Variants in NOTCH1 observed in about 807,000 individuals in gnomAD.
NOTCH1 encodes the protein neurogenic locus notch homolog protein 1.
NOTCH1 carries 37 observed loss-of-function variants against 254.8 expected under a neutral mutation model. That is an observed-to-expected ratio of 0.15 (90% CI 0.11 to 0.19). NOTCH1 has a LOEUF of 0.19. NOTCH1 is among the 10% of genes least tolerant of loss of function. The pLI, the probability that NOTCH1 is intolerant of heterozygous loss-of-function variation, is 1.00. For synonymous variants in NOTCH1, 1,731 were observed against 1,618.1 expected (o/e 1.07, Z -1.68); for missense variants, 2,972 against 3,708.6 (o/e 0.80, Z 5.16).
In NOTCH1 at chr9:136,519,437, A is replaced by G; in HGVS notation, c.865+6T>C. On this transcript the variant is annotated splice_donor_region_variant and intron_variant, in intron 5 of 33. Coordinates refer to ENST00000651671, the MANE Select transcript of NOTCH1 (RefSeq NM_017617.5). ...TACCCCGCCCTGCGGCGACCCGTATACGCGCCTGTCCACTCTGGCGGGCAG... is the reference window on the plus strand; with the variant it reads ...TACCCCGCCCTGCGGCGACCCGTATGCGCGCCTGTCCACTCTGGCGGGCAG... 6.2e-7 allele frequency: 1 copy of G among 1,612,766 alleles called. No individual in the cohort carries two copies. The highest frequency in any genetic ancestry group is 8.5e-7 in the Non-Finnish European group (1 of 1,179,926).
At chr9:136,498,835 TGGCCCTCACTTCTCTGTGGATTC>T in intron 33 of NOTCH1, 41 bp downstream of exon 33, 1 of 1,578,882 alleles carries the variant, frequency 6.3e-7, no homozygotes, top group Non-Finnish European at 8.7e-7. Flanking sequence ...CCCGTGGGTT[TGGCCCTCACTTCTCTGTGGATTC>T]AGCCCTCACG....
Position 136,513,060 on chromosome 9 carries a change from CGTCGTCAAT to C in NOTCH1, c.2419_2427del (p.Ile807_Asp809del). ...AGGCAGTTGCACTTGTACCCGGCAA[CGTCGTCAAT>C]ACACGTGCCCTGGTTCAGACATGGG... On this transcript the variant is annotated inframe_deletion, in exon 15 of 34. Coordinates refer to ENST00000651671, the MANE Select transcript of NOTCH1 (RefSeq NM_017617.5). This position sits in a 1 kb window ranked among gnomAD's most constrained non-coding sequence, Gnocchi z 4.7. The C allele has an allele frequency of 6.2e-7, 1 of 1,600,006 alleles. No homozygotes were observed. Among genetic ancestry groups the C allele is most frequent in the South Asian group, 1.1e-5 (1 of 90,904 alleles).
Position 136,509,751 on chromosome 9 carries a change from G to A in NOTCH1, c.2951C>T (p.Thr984Met), listed in dbSNP as rs769132985. Reference sequence around the variant, plus strand: ...CGCACACCTCTCTGTGCAGTCAGGCGTGTTGTTCTCACAGTGGATCCCGCT... The same window carrying A: ...CGCACACCTCTCTGTGCAGTCAGGCATGTTGTTCTCACAGTGGATCCCGCT... The part of the protein sequence containing the change: ...GFSGIHCENN[T>M]PDCTESSCFN... The change falls in exon 18 of 34, where the codon ACG becomes ATG. Residue 984 changes from threonine (T) to methionine (M), a missense_variant. Around this residue, in one of 8 missense-constraint regions of NOTCH1, gnomAD observed 1,343 missense variants for 1,557.0 expected, o/e 0.86. Coordinates refer to ENST00000651671, the MANE Select transcript of NOTCH1 (RefSeq NM_017617.5). 36 of 1,612,958 alleles carry A rather than the reference G, an allele frequency of 2.2e-5. No homozygotes were observed. The highest frequency in any genetic ancestry group is 3.3e-5 in the Admixed American group (2 of 60,032).
At chr9:136,502,571 T>A in intron 27 of NOTCH1, 83 bp from the exon 28 acceptor site, 1 of 852,374 alleles carries the variant, frequency 1.2e-6, no homozygotes, top group Non-Finnish European at 1.7e-6. Flanking sequence ...GGCGGCGGAC[T>A]GGCTCCGCGT....
At chr9:136,507,216 G>A in intron 22 of NOTCH1, 89 bp downstream of exon 22, 2 of 1,598,080 alleles carry the variant, frequency 1.3e-6, no homozygotes, top group Non-Finnish European at 1.7e-6. Context: ...GCTGGTTCCT[G>A]GATGCCTCTG....
chr9:136,538,328 C>T (rs1589081414), intron 2 of NOTCH1, among the ~76,000 whole-genome samples: 1 of 152,110 alleles, frequency 6.6e-6, no homozygotes, highest in South Asian at 2.1e-4. Flanking sequence ...GCGCAGGCCT[C>T]GCCGCAGGGC....
At chr9:136,525,807 G>A (rs1589073997) in intron 2 of NOTCH1, among the ~76,000 whole-genome samples, 2 of 152,312 alleles carry the variant, frequency 1.3e-5, no homozygotes, top group Admixed American at 1.3e-4. Context: ...TTTCTCAGCA[G>A]CCAGCCACGC....
At position 136,545,743 on chromosome 9, in the gene NOTCH1, G is replaced by C; in HGVS notation, c.44C>G (p.Pro15Arg). Residue 15 changes from proline to arginine, a missense_variant, in exon 1 of 34, where the codon CCC becomes CGC. Transcript: ENST00000651671. This position sits in a 1 kb window ranked among gnomAD's most constrained non-coding sequence, Gnocchi z 6.8. Reference sequence around the variant, plus strand: ...GCGCCTACCTCGTGCGGCGAGCGCGGGCAGCAGCGCCAGGCAGAGCAGGGG... The same window carrying C: ...GCGCCTACCTCGTGCGGCGAGCGCGCGCAGCAGCGCCAGGCAGAGCAGGGG... ...LAPLLCLALL[P>R]ALAARGPRCS... is the part of the protein sequence containing the mutation. 7.0e-7 allele frequency: 1 copy of C among 1,424,142 alleles called. No individual in the cohort carries two copies. Among genetic ancestry groups the C allele is most frequent in the Non-Finnish European group, 9.1e-7 (1 of 1,093,016 alleles). The allele number at this position is 1,424,142 out of a possible 1,614,324, so 88.2% of individuals were successfully genotyped here. A position where few individuals can be genotyped will look rare whatever the true frequency, so the allele number is the denominator to read the frequency against.
chr9:136,510,891 C>T lies in NOTCH1; in HGVS notation c.2588-86G>A. On this transcript the variant is annotated intron_variant, in intron 16 of 33. Transcript: ENST00000651671. ...AGGCTGGCCCACCCACCTACAGTGCCTCTCCCGACCCAGGAGTAGGCTTCC... is the reference window on the plus strand; with the variant it reads ...AGGCTGGCCCACCCACCTACAGTGCTTCTCCCGACCCAGGAGTAGGCTTCC... 1.9e-6 allele frequency: 3 copies of T among 1,568,722 alleles called. No homozygotes were observed. The South Asian group carries it at 3.3e-5, about 17-fold the overall frequency.
intron 1 of NOTCH1, among the ~76,000 whole-genome samples, chr9:136,544,670 C>A (rs976567172): frequency 2.6e-5 from 4 of 152,102 alleles, no homozygotes; most frequent in Non-Finnish European, 5.9e-5. Context: ...AGAATCAGAG[C>A]GGCCCATTGT....
chr9:136,495,786 C>T lies in NOTCH1; in HGVS notation c.*285G>A. ...ATAAACACAGAAGAATCTTTTCATCCTACGTAGGAAAACCCTGGCTCTCAG... is the reference window on the plus strand; with the variant it reads ...ATAAACACAGAAGAATCTTTTCATCTTACGTAGGAAAACCCTGGCTCTCAG... On this transcript the variant is annotated 3_prime_UTR_variant, in exon 34 of 34. Transcript: ENST00000651671. 2.4e-6 allele frequency: 1 copy of T among 421,606 alleles called. No homozygotes were observed. Among genetic ancestry groups the T allele is most frequent in the Non-Finnish European group, 4.2e-6 (1 of 237,502 alleles). 26.1% of individuals were successfully genotyped at this position (421,606 alleles called of 1,614,324 possible). A position where few individuals can be genotyped will look rare whatever the true frequency, so the allele number is the denominator to read the frequency against.
At chr9:136,534,385 C>T (rs376266486) in intron 2 of NOTCH1, among the ~76,000 whole-genome samples, 2 of 152,202 alleles carry the variant, frequency 1.3e-5, no homozygotes, top group African/African-American at 4.8e-5. Flanking sequence ...TAGACAGGGT[C>T]GACATCTGAT....
intron 2 of NOTCH1, among the ~76,000 whole-genome samples, chr9:136,527,667 C>T (rs1185623212): frequency 6.6e-6 from 1 of 152,212 alleles, no homozygotes; most frequent in Non-Finnish European, 1.5e-5. Flanking sequence ...CGGAGGAGAC[C>T]CAACCCACGC....
At chr9:136,532,909 C>T (rs948974536) in intron 2 of NOTCH1, among the ~76,000 whole-genome samples, 1 of 152,216 alleles carries the variant, frequency 6.6e-6, no homozygotes. Flanking sequence ...GCCAAGCCTT[C>T]CAGTCACCTG....
intron 2 of NOTCH1, among the ~76,000 whole-genome samples, chr9:136,526,001 T>C (rs1843453525): frequency 6.6e-6 from 1 of 152,240 alleles, no homozygotes; most frequent in Admixed American, 6.5e-5. Flanking sequence ...CTCTGGGGAA[T>C]TCACTCAGGC....
At chr9:136,524,121 CT>C in intron 2 of NOTCH1, 142 bp from the exon 3 acceptor site, 1 of 1,087,354 alleles carries the variant, frequency 9.2e-7, no homozygotes, top group Non-Finnish European at 1.3e-6. Flanking sequence ...GCGGGGTTCC[CT>C]TAGGGCTGAT....
chr9:136,502,212 A>T (rs2133330524), intron 28 of NOTCH1, 60 bp downstream of exon 28: 2 of 1,293,750 alleles, frequency 1.5e-6, no homozygotes, highest in Non-Finnish European at 2.1e-6. Flanking sequence ...CCCGGTGAGG[A>T]TGCTCGGCCA....
chr9:136,499,682 G>A (rs1842967669), intron 31 of NOTCH1, among the ~76,000 whole-genome samples: 1 of 151,438 alleles, frequency 6.6e-6, no homozygotes, highest in African/African-American at 2.4e-5. Flanking sequence ...GAGAGGGGGT[G>A]GGCAGCCCTT....
chr9:136,501,967 G>A (rs758790623), intron 29 of NOTCH1, 34 bp downstream of exon 29: 38 of 1,611,460 alleles, frequency 2.4e-5, no homozygotes, highest in African/African-American at 4.0e-5. Flanking sequence ...GCAGGTGCCC[G>A]GGAGCCCAGG....
Sources: allele counts gnomAD v4.1 joint callset (sites outside exome capture counted in the v4.1 genomes callset), GRCh38; gene constraint gnomAD v4.1.1; regional missense constraint gnomAD v4.1.1; non-coding constraint Gnocchi (gnomAD v3.1); transcripts MANE v1.5; gene names NCBI Gene and HGNC (gene_info 2026-07-23, HGNC 2026-07-21).